CFAP61: variants seen among roughly 807,000 people sequenced by gnomAD.
The protein encoded by CFAP61 is cilia- and flagella-associated protein 61.
In CFAP61, 107 loss-of-function variants were observed where a neutral mutation model predicts 135.6. That is an observed-to-expected ratio of 0.79 (90% CI 0.67 to 0.93). The LOEUF is 0.93. Among genes scored for constraint, CFAP61 ranks in the 40% least tolerant of loss-of-function variants. The pLI is 0.00. For missense variants in CFAP61, 1,507 were observed against 1,556.2 expected, an observed-to-expected ratio of 0.97 and a Z score of 0.53; for synonymous variants, 575 against 578.5, an observed-to-expected ratio of 0.99 and a Z score of 0.09.
chr20:20,341,761 A>G, intron 25 of CFAP61, 70 bp from the exon 26 acceptor site: 1 of 1,083,194 alleles, frequency 9.2e-7, no homozygotes, highest in Non-Finnish European at 1.4e-6. Context: ...AAGGCAAAAA[A>G]GCAGGTAAAT....
intron 13 of CFAP61, among the ~76,000 whole-genome samples, chr20:20,177,686 A>G (rs1003823639): frequency 2.7e-5 from 4 of 150,766 alleles, no homozygotes; most frequent in Non-Finnish European, 5.9e-5. Flanking sequence ...GGGGGCCTGC[A>G]TTCTAGATGG....
chr20:20,150,936 CAT>C (rs1019535680), intron 9 of CFAP61, among the ~76,000 whole-genome samples: 39 of 152,048 alleles, frequency 2.6e-4, no homozygotes, highest in African/African-American at 9.2e-4. Context: ...TTTCCACTGA[CAT>C]AGTCTACCCA....
intron 8 of CFAP61, among the ~76,000 whole-genome samples, chr20:20,108,670 C>T (rs936112738): frequency 6.6e-5 from 10 of 152,166 alleles, no homozygotes; most frequent in Admixed American, 6.5e-4. Context: ...CTTTTATTTC[C>T]TCCCTATATT....
At chr20:20,128,849 C>T (rs866554730) in intron 8 of CFAP61, among the ~76,000 whole-genome samples, 4 of 151,580 alleles carry the variant, frequency 2.6e-5, no homozygotes, top group Admixed American at 2.0e-4. Flanking sequence ...AAGATGACAG[C>T]TTACCTTCGA....
At chr20:20,187,044 A>G (rs1024283982) in intron 13 of CFAP61, among the ~76,000 whole-genome samples, 1 of 152,162 alleles carries the variant, frequency 6.6e-6, no homozygotes, top group Non-Finnish European at 1.5e-5. Flanking sequence ...GGATGCACTG[A>G]ACACCTGGGT....
intron 25 of CFAP61, among the ~76,000 whole-genome samples, chr20:20,311,360 C>G (rs1338368978): frequency 2.0e-5 from 3 of 152,176 alleles, no homozygotes; most frequent in Non-Finnish European, 4.4e-5. Flanking sequence ...TACCCTCCCA[C>G]ATGAAACAAC....
At chr20:20,132,762 T>C (rs1289093230) in intron 8 of CFAP61, among the ~76,000 whole-genome samples, 1 of 152,158 alleles carries the variant, frequency 6.6e-6, no homozygotes, top group Non-Finnish European at 1.5e-5. Flanking sequence ...TCTTTAGTGA[T>C]GTTTTTGTCT....
intron 17 of CFAP61, among the ~76,000 whole-genome samples, chr20:20,210,935 G>A (rs542016194): frequency 2.0e-5 from 3 of 152,252 alleles, no homozygotes; most frequent in South Asian, 4.1e-4. Flanking sequence ...GACCAGCCTA[G>A]TAACACAGTG....
intron 2 of CFAP61, among the ~76,000 whole-genome samples, chr20:20,058,979 A>G (rs144122232): frequency 3.9e-5 from 6 of 152,214 alleles, no homozygotes; most frequent in Non-Finnish European, 8.8e-5. Flanking sequence ...AAATTAAACA[A>G]TGAATATAAA....
At chr20:20,075,359 C>T in intron 5 of CFAP61, 103 bp downstream of exon 5, 2 of 1,444,374 alleles carry the variant, frequency 1.4e-6, no homozygotes, top group Admixed American at 1.7e-5. Flanking sequence ...TCTCCAGGTC[C>T]TCAATGTACC....
At chr20:20,269,146 T>TATATACACACACAC (rs1419572825) in intron 21 of CFAP61, among the ~76,000 whole-genome samples, 3 of 85,598 alleles carry the variant, frequency 3.5e-5, no homozygotes, top group Non-Finnish European at 5.0e-5. Context: ...TATATATATA[T>TATATACACACACAC]ACACACACAC....
intron 17 of CFAP61, among the ~76,000 whole-genome samples, chr20:20,205,750 C>T (rs1442075710): frequency 6.6e-6 from 1 of 152,198 alleles, no homozygotes; most frequent in South Asian, 2.1e-4. Flanking sequence ...CCTGCTGATT[C>T]AGGCTGTCTG....
chr20:20,255,809 T>G (rs1432352086), intron 20 of CFAP61, among the ~76,000 whole-genome samples: 1 of 152,232 alleles, frequency 6.6e-6, no homozygotes, highest in African/African-American at 2.4e-5. Context: ...CTCTTCCATC[T>G]AAGAGGTAGA....
intron 9 of CFAP61, among the ~76,000 whole-genome samples, chr20:20,144,870 ATCAC>A (rs1271749317): frequency 1.2e-4 from 19 of 152,210 alleles, no homozygotes; most frequent in Non-Finnish European, 2.4e-4. Flanking sequence ...AGATAGTAGG[ATCAC>A]ATCTTTAAAG....
At chr20:20,101,499 G>A (rs6046623) in intron 8 of CFAP61, among the ~76,000 whole-genome samples, 61,866 of 152,038 alleles carry the variant, frequency 0.41, 13,191 homozygotes, top group South Asian at 0.54. Flanking sequence ...CTCTGCTTTC[G>A]TGCATGATGA....
At chr20:20,154,051 C>G (rs1479602865) in intron 9 of CFAP61, among the ~76,000 whole-genome samples, 2 of 151,866 alleles carry the variant, frequency 1.3e-5, no homozygotes, top group Non-Finnish European at 2.9e-5. Context: ...CAGGGTTTAA[C>G]ATATACAAGT....
At chr20:20,113,107 A>G (rs944450841) in intron 8 of CFAP61, among the ~76,000 whole-genome samples, 2 of 152,208 alleles carry the variant, frequency 1.3e-5, no homozygotes, top group African/African-American at 2.4e-5. Flanking sequence ...ATAGATGTCC[A>G]TGGACTTTCA....
At chr20:20,309,795 A>G (rs966228594) in intron 25 of CFAP61, among the ~76,000 whole-genome samples, 4 of 151,880 alleles carry the variant, frequency 2.6e-5, no homozygotes, top group Admixed American at 2.6e-4. Context: ...TCATGTGTGG[A>G]GGAAGAAAAT....
intron 8 of CFAP61, among the ~76,000 whole-genome samples, chr20:20,102,270 G>A (rs1311551300): frequency 2.0e-5 from 3 of 152,210 alleles, no homozygotes; most frequent in African/African-American, 7.2e-5. Flanking sequence ...AGGCAAGTGA[G>A]ACCAAGACAC....
Sources: gnomAD v4.1 joint callset for allele counts (sites outside exome capture counted in the v4.1 genomes callset) on GRCh38, gnomAD v4.1.1 for gene constraint, MANE v1.5 for transcripts, NCBI Gene and HGNC (gene_info 2026-07-23, HGNC 2026-07-21) for gene names.